ARB2A: variants seen among roughly 807,000 people sequenced by gnomAD.
ARB2A encodes ARB2 cotranscriptional regulator A, also known as cotranscriptional regulator ARB2A.
the ARB2A span, among the ~76,000 whole-genome samples, chr5:93,745,486 G>C: frequency 6.6e-6 from 1 of 152,088 alleles, no homozygotes; most frequent in Non-Finnish European, 1.5e-5. Context: ...AAAACATCTG[G>C]ATGTGCGAGT....
the ARB2A span, among the ~76,000 whole-genome samples, chr5:94,026,117 C>A: frequency 6.6e-6 from 1 of 152,272 alleles, no homozygotes; most frequent in African/African-American, 2.4e-5. Flanking sequence ...AATGCTAAAG[C>A]TCCAGAGAGG....
the ARB2A span, chr5:93,861,339 A>T: frequency 7.3e-6 from 1 of 137,484 alleles, no homozygotes. Context: ...AGCTCTGCTA[A>T]CTTATTTGAG....
the ARB2A span, among the ~76,000 whole-genome samples, chr5:93,681,863 A>G: frequency 3.9e-5 from 6 of 152,250 alleles, no homozygotes; most frequent in Non-Finnish European, 8.8e-5. Flanking sequence ...ATGGTCATTT[A>G]CAAACCAAAT....
chr5:93,810,384 C>T, the ARB2A span, among the ~76,000 whole-genome samples: 3 of 151,702 alleles, frequency 2.0e-5, no homozygotes. Context: ...TTGTACAATG[C>T]CTTGCTAAAT....
At chr5:94,069,478 T>C in the ARB2A span, among the ~76,000 whole-genome samples, 1,446 of 152,114 alleles carry the variant, frequency 9.5e-3, 24 homozygotes, top group African/African-American at 0.033. Flanking sequence ...AAGAAAACAA[T>C]TAACAGAATG....
chr5:93,826,918 C>T, the ARB2A span, among the ~76,000 whole-genome samples: 1 of 151,992 alleles, frequency 6.6e-6, no homozygotes, highest in African/African-American at 2.4e-5. Flanking sequence ...CTACAAAGGA[C>T]ATGAACTCAT....
chr5:94,106,823 A>G, the ARB2A span, among the ~76,000 whole-genome samples: 9 of 150,428 alleles, frequency 6.0e-5, no homozygotes, highest in South Asian at 1.1e-3. Flanking sequence ...CATGTCCTTT[A>G]CAGCAACATG....
the ARB2A span, among the ~76,000 whole-genome samples, chr5:94,107,826 C>CT: frequency 6.6e-6 from 1 of 152,164 alleles, no homozygotes; most frequent in Admixed American, 6.5e-5. Flanking sequence ...TACAGTAGAT[C>CT]TTACTGGATT....
chr5:94,035,132 C>T, the ARB2A span, among the ~76,000 whole-genome samples: 3 of 151,802 alleles, frequency 2.0e-5, no homozygotes, highest in Admixed American at 6.6e-5. Context: ...ATTTGGAATC[C>T]GCCTTTTCTC....
chr5:94,051,867 T>G, the ARB2A span, among the ~76,000 whole-genome samples: 1 of 152,186 alleles, frequency 6.6e-6, no homozygotes, highest in Non-Finnish European at 1.5e-5. Context: ...TCACCCAGGC[T>G]GGAGAGTACA....
chr5:93,920,221 A>T, the ARB2A span, among the ~76,000 whole-genome samples: 1 of 152,172 alleles, frequency 6.6e-6, no homozygotes, highest in African/African-American at 2.4e-5. Context: ...ATAAAGACTA[A>T]GTGCTGACTC....
At chr5:93,781,862 A>C in the ARB2A span, 1 of 985,108 alleles carries the variant, frequency 1.0e-6, no homozygotes, top group Non-Finnish European at 1.2e-6. Context: ...CTTACAAAAC[A>C]AAAAACTTTC....
chr5:94,008,751 A>G, the ARB2A span, among the ~76,000 whole-genome samples: 2 of 152,134 alleles, frequency 1.3e-5, no homozygotes, highest in African/African-American at 2.4e-5. Flanking sequence ...TCTTCACACA[A>G]AAATATTTGG....
chr5:93,685,058 C>A, the ARB2A span, among the ~76,000 whole-genome samples: 2 of 152,174 alleles, frequency 1.3e-5, no homozygotes, highest in Non-Finnish European at 1.5e-5. Flanking sequence ...GAGCAGACAA[C>A]AGAAATAAGT....
chr5:93,846,742 A>C, the ARB2A span, among the ~76,000 whole-genome samples: 6 of 152,298 alleles, frequency 3.9e-5, no homozygotes, highest in East Asian at 1.2e-3. Context: ...ATTGCTAAAA[A>C]CTGCTAACGA....
the ARB2A span, chr5:94,050,797 T>G: frequency 6.2e-7 from 1 of 1,612,748 alleles, no homozygotes; most frequent in Non-Finnish European, 8.5e-7. Context: ...TAAAAACAAA[T>G]GGTTCCCCAG....
chr5:93,866,131 A>G, the ARB2A span: 21 of 985,406 alleles, frequency 2.1e-5, no homozygotes, highest in Non-Finnish European at 2.5e-5. Context: ...AAAAGAGGAT[A>G]ATACAAGCAA....
chr5:93,970,724 A>C, the ARB2A span, among the ~76,000 whole-genome samples: 6 of 152,112 alleles, frequency 3.9e-5, no homozygotes, highest in African/African-American at 1.2e-4. Context: ...TTAAGTGATA[A>C]TAACACTCTG....
chr5:93,927,229 T>G, the ARB2A span, among the ~76,000 whole-genome samples: 1 of 152,114 alleles, frequency 6.6e-6, no homozygotes, highest in Non-Finnish European at 1.5e-5. Flanking sequence ...GCCTGGTGAA[T>G]TAGGAAAATT....
Sources: gnomAD v4.1 joint callset for allele counts (sites outside exome capture counted in the v4.1 genomes callset) on GRCh38, gnomAD v4.1.1 for gene constraint, MANE v1.5 for transcripts, NCBI Gene and HGNC (gene_info 2026-07-23, HGNC 2026-07-21) for gene names.